The following BTRC variants were observed in gnomAD, a reference collection of about 807,000 sequenced individuals.
BTRC encodes F-box/WD repeat-containing protein 1A.
A neutral mutation model predicts 85.5 loss-of-function variants in BTRC; 42 were observed. The observed-to-expected ratio is 0.49, with a 90% CI of 0.38 to 0.64. The LOEUF is 0.64. BTRC is among the 30% of genes least tolerant of loss of function. The pLI, the probability that BTRC is intolerant of heterozygous loss-of-function variation, is 0.00. For missense variants in BTRC, 594 were observed against 743.5 expected, an observed-to-expected ratio of 0.80 and a Z score of 2.34; for synonymous variants, 255 against 263.3, an observed-to-expected ratio of 0.97 and a Z score of 0.30.
chr10:101,375,564 T>C lies in BTRC; in HGVS notation c.48+21336T>C, dbSNP rs557998715. ...GGCAGGGAGTCTGGGGCAGATATTC[T>C]GGGGAGATCAATAGGCAGAAAGCAT... is the stretch of plus-strand genomic sequence containing the variant. On this transcript the variant is annotated intron_variant, in intron 1 of 14. Transcript: ENST00000370187. Among the ~76,000 whole-genome samples, 3 of 152,316 alleles carry C rather than the reference T, an allele frequency of 2.0e-5. No individual in the cohort carries two copies. In the East Asian group the frequency reaches 5.8e-4, roughly 29 times the overall value.
intron 2 of BTRC, among the ~76,000 whole-genome samples, chr10:101,440,846 G>A (rs1423007851): frequency 1.3e-5 from 2 of 152,210 alleles, no homozygotes; most frequent in Non-Finnish European, 2.9e-5. Flanking sequence ...TTCCTGCTTT[G>A]AGGTCATGCT....
chr10:101,442,510 A>G (rs1436283491), intron 2 of BTRC, among the ~76,000 whole-genome samples: 1 of 152,190 alleles, frequency 6.6e-6, no homozygotes, highest in Non-Finnish European at 1.5e-5. Flanking sequence ...TTGTAATTCT[A>G]AATTGAAAAG....
chr10:101,372,750 A>G (rs1442261301), intron 1 of BTRC, among the ~76,000 whole-genome samples: 2 of 151,686 alleles, frequency 1.3e-5, no homozygotes, highest in Non-Finnish European at 2.9e-5. Context: ...CTGTAATCCC[A>G]GGTACTCCAG....
intron 1 of BTRC, among the ~76,000 whole-genome samples, chr10:101,403,038 G>A (rs1403575065): frequency 6.6e-6 from 1 of 152,034 alleles, no homozygotes. Context: ...CTCTTTAAAA[G>A]CAGGGACTCA....
intron 4 of BTRC, among the ~76,000 whole-genome samples, chr10:101,483,323 G>A (rs748065927): frequency 1.1e-4 from 17 of 152,140 alleles, no homozygotes; most frequent in Non-Finnish European, 1.6e-4. Flanking sequence ...GGCCGGGCAC[G>A]GTGGCTCACA....
intron 13 of BTRC, 53 bp from the exon 14 acceptor site, chr10:101,550,646 C>T: frequency 6.4e-7 from 1 of 1,554,236 alleles, no homozygotes; most frequent in South Asian, 1.1e-5. Flanking sequence ...AATTTGTGTC[C>T]TATTGATTTT....
intron 2 of BTRC, among the ~76,000 whole-genome samples, chr10:101,447,931 C>A (rs560511795): frequency 7.0e-4 from 106 of 152,070 alleles, no homozygotes; most frequent in South Asian, 5.2e-3. Context: ...CCAAAAAAAA[C>A]CAATTTCTGC....
intron 1 of BTRC, among the ~76,000 whole-genome samples, chr10:101,426,326 A>G (rs953165534): frequency 6.6e-6 from 1 of 152,232 alleles, no homozygotes; most frequent in Non-Finnish European, 1.5e-5. Flanking sequence ...TCTTATGGTA[A>G]TGTGCAGATC....
intron 3 of BTRC, among the ~76,000 whole-genome samples, chr10:101,478,591 G>A (rs1945751991): frequency 1.3e-5 from 2 of 151,526 alleles, no homozygotes; most frequent in African/African-American, 2.4e-5. Flanking sequence ...AGGAGTTCAA[G>A]ACCAGTTTAG....
intron 1 of BTRC, among the ~76,000 whole-genome samples, chr10:101,375,399 C>A (rs534911261): frequency 6.6e-6 from 1 of 152,302 alleles, no homozygotes; most frequent in African/African-American, 2.4e-5. Flanking sequence ...AAGCAGAATT[C>A]ACTACGCTTC....
At chr10:101,508,468 T>G (rs1946598369) in intron 4 of BTRC, among the ~76,000 whole-genome samples, 1 of 152,186 alleles carries the variant, frequency 6.6e-6, no homozygotes, top group African/African-American at 2.4e-5. Context: ...ATTAATATAA[T>G]AATCCCACTG....
At chr10:101,532,193 C>A in intron 7 of BTRC, 102 bp from the exon 8 acceptor site, 2 of 1,262,098 alleles carry the variant, frequency 1.6e-6, no homozygotes, top group South Asian at 1.7e-5. Context: ...TGTGTATATC[C>A]CATAGAGTAA....
At chr10:101,498,422 T>C (rs2134282043) in intron 4 of BTRC, among the ~76,000 whole-genome samples, 1 of 152,184 alleles carries the variant, frequency 6.6e-6, no homozygotes, top group Admixed American at 6.5e-5. Context: ...CCCAAAGTGC[T>C]GTGATTACAG....
chr10:101,442,651 G>C (rs532331151), intron 2 of BTRC, among the ~76,000 whole-genome samples: 1 of 152,098 alleles, frequency 6.6e-6, no homozygotes, highest in Non-Finnish European at 1.5e-5. Context: ...AAATCGAGTT[G>C]GTGGGTCATC....
intron 1 of BTRC, among the ~76,000 whole-genome samples, chr10:101,368,901 C>G (rs764081492): frequency 1.3e-5 from 2 of 152,084 alleles, no homozygotes; most frequent in Non-Finnish European, 2.9e-5. Flanking sequence ...CACCTGTAAT[C>G]CCAGCTACTC....
At position 101,503,014 on chromosome 10, in the gene BTRC, C is replaced by T. The variant is rs768836514; in HGVS notation, c.325-18625C>T. Among the ~76,000 whole-genome samples, 4 of 152,282 alleles carry T rather than the reference C, an allele frequency of 2.6e-5. No individual in the cohort carries two copies. The South Asian group carries it at 8.3e-4, about 32-fold the overall frequency. ...TTTATATGTATTATTTTAATCTTAA[C>T]ATTAGCCCTTCTAGCTAAGTATTGT... is the stretch of plus-strand genomic sequence containing the variant. On this transcript the variant is annotated intron_variant, in intron 4 of 14. Coordinates refer to ENST00000370187, the MANE Select transcript of BTRC (RefSeq NM_033637.4).
intron 1 of BTRC, among the ~76,000 whole-genome samples, chr10:101,396,848 G>A (rs563886700): frequency 7.3e-4 from 111 of 151,390 alleles, no homozygotes; most frequent in African/African-American, 2.6e-3. Context: ...TGTCACCCAG[G>A]CTAGAGTGCA....
chr10:101,530,063 A>AT (rs143387215), intron 6 of BTRC, among the ~76,000 whole-genome samples: 91 of 149,944 alleles, frequency 6.1e-4, no homozygotes, highest in East Asian at 1.4e-3. Flanking sequence ...CCATTTACTG[A>AT]TTTTTTTTTT....
At chr10:101,411,949 T>A (rs1943792196) in intron 1 of BTRC, among the ~76,000 whole-genome samples, 1 of 152,216 alleles carries the variant, frequency 6.6e-6, no homozygotes, top group Admixed American at 6.5e-5. Flanking sequence ...TCTGATAGTT[T>A]TAGTGTAGCT....
Sources: allele counts gnomAD v4.1 joint callset (sites outside exome capture counted in the v4.1 genomes callset), GRCh38; gene constraint gnomAD v4.1.1; transcripts MANE v1.5; gene names NCBI Gene and HGNC (gene_info 2026-07-23, HGNC 2026-07-21).